CDKN2B-AS1: variants seen among roughly 807,000 people sequenced by gnomAD.
The protein encoded by CDKN2B-AS1 is CDKN2B antisense RNA 1 (non-protein coding).
intron 4 of CDKN2B-AS1, among the ~76,000 whole-genome samples, chr9:22,066,691 A>G (rs1008825242): frequency 6.6e-6 from 1 of 152,084 alleles, no homozygotes; most frequent in Non-Finnish European, 1.5e-5. Context: ...AGTTTTAAAA[A>G]GAACATTCGT....
At chr9:22,064,246 A>G (rs117778899) in intron 4 of CDKN2B-AS1, among the ~76,000 whole-genome samples, 98 of 152,308 alleles carry the variant, frequency 6.4e-4, no homozygotes, top group Admixed American at 2.1e-3. Context: ...ACATAGAAGT[A>G]TACACACTGG....
chr9:22,055,530 T>C (rs750548528), intron 3 of CDKN2B-AS1, among the ~76,000 whole-genome samples: 2 of 152,232 alleles, frequency 1.3e-5, no homozygotes, highest in African/African-American at 2.4e-5. Flanking sequence ...TTTGCCAGCA[T>C]TCTTCTGTAG....
chr9:22,050,722 C>T (rs900092047), intron 3 of CDKN2B-AS1, among the ~76,000 whole-genome samples: 26 of 152,160 alleles, frequency 1.7e-4, no homozygotes, highest in African/African-American at 5.8e-4. Flanking sequence ...CCACCTCAGG[C>T]TTTTGGCACC....
chr9:22,099,170 T>A (rs1825394365), intron 4 of CDKN2B-AS1, among the ~76,000 whole-genome samples: 1 of 152,058 alleles, frequency 6.6e-6, no homozygotes. Context: ...GGGAACAACA[T>A]GTACAAAAGC....
rs34297943 is a variant in CDKN2B-AS1 at position 21,997,480 on chromosome 9, G to GGAGAGA, written n.29+2338_29+2343dup. On this transcript the variant is annotated intron_variant and non_coding_transcript_variant, in intron 1 of 4. Transcript: ENST00000650946. The surrounding 1 kb of genome is among the most constrained non-coding windows in gnomAD (Gnocchi z 4.8). ...ATGTGGGGGAGAGAAAGAGAGGGAG[G>GGAGAGA]GAGAGAGAGAGAGAGAGAGAGAGAA... is the stretch of plus-strand genomic sequence containing the variant. Among the ~76,000 whole-genome samples, 6 of 146,122 alleles carry GGAGAGA rather than the reference G, an allele frequency of 4.1e-5. No individual in the cohort carries two copies. Among genetic ancestry groups the GGAGAGA allele is most frequent in the South Asian group, 2.2e-4 (1 of 4,592 alleles).
At chr9:22,061,552 C>A (rs1823819649) in intron 4 of CDKN2B-AS1, among the ~76,000 whole-genome samples, 1 of 151,980 alleles carries the variant, frequency 6.6e-6, no homozygotes. Context: ...CAAAATCAAG[C>A]CTGTTAGATA....
At chr9:22,071,809 T>C (rs568362412) in intron 4 of CDKN2B-AS1, among the ~76,000 whole-genome samples, 5 of 152,226 alleles carry the variant, frequency 3.3e-5, no homozygotes, top group African/African-American at 1.2e-4. Flanking sequence ...AGCTAGGTGA[T>C]GTAAAAGTGA....
chr9:22,016,743 A>G (rs1821781364), intron 1 of CDKN2B-AS1, among the ~76,000 whole-genome samples: 2 of 152,226 alleles, frequency 1.3e-5, no homozygotes, highest in Non-Finnish European at 2.9e-5. Context: ...CTGGCTAGCC[A>G]TATGTAGAAA....
At chr9:22,122,030 C>G (rs1313892975) in intron 4 of CDKN2B-AS1, among the ~76,000 whole-genome samples, 2 of 150,668 alleles carry the variant, frequency 1.3e-5, no homozygotes, top group Admixed American at 1.3e-4. Flanking sequence ...TAAGAATTCC[C>G]TTTTCTCCAA....
intron 1 of CDKN2B-AS1, chr9:22,008,533 C>G (rs1821306814): frequency 2.4e-6 from 2 of 821,746 alleles, no homozygotes; most frequent in South Asian, 1.9e-5. Context: ...CCTTTTCTCC[C>G]CAATTCAGTC....
At chr9:22,012,066 A>G (rs1255921568) in intron 1 of CDKN2B-AS1, 2 of 605,082 alleles carry the variant, frequency 3.3e-6, no homozygotes, top group Non-Finnish European at 5.9e-6. Flanking sequence ...AGTTGGTGAA[A>G]TTGTCTGTAT....
At chr9:22,043,606 T>A (rs1822989311) in intron 1 of CDKN2B-AS1, among the ~76,000 whole-genome samples, 1 of 151,946 alleles carries the variant, frequency 6.6e-6, no homozygotes, top group Non-Finnish European at 1.5e-5. Flanking sequence ...GTGAAAGCAG[T>A]TGTTTACGCT....
rs746984960 is a variant in CDKN2B-AS1 at position 22,006,131 on chromosome 9, G to T, written n.29+10970G>T. On this transcript the variant is annotated intron_variant and non_coding_transcript_variant, in intron 1 of 4. Transcript: ENST00000650946. The surrounding 1 kb of genome is among the most constrained non-coding windows in gnomAD (Gnocchi z 6.4). ...GCAGCACCACCAGCGTGTCCAGGAAGCCCTCCCGGGCAGCATCATGCACCG... is the reference window on the plus strand; with the variant it reads ...GCAGCACCACCAGCGTGTCCAGGAATCCCTCCCGGGCAGCATCATGCACCG... The T allele has an allele frequency of 1.2e-6, 2 of 1,611,320 alleles. No homozygotes were observed. Among genetic ancestry groups the T allele is most frequent in the Non-Finnish European group, 1.7e-6 (2 of 1,179,850 alleles).
intron 4 of CDKN2B-AS1, among the ~76,000 whole-genome samples, chr9:22,108,716 A>C (rs186281500): frequency 6.6e-6 from 1 of 152,342 alleles, no homozygotes; most frequent in East Asian, 1.9e-4. Context: ...GATTATATTT[A>C]ATTGTCCATT....
intron 4 of CDKN2B-AS1, chr9:22,119,138 G>C (rs1024163829): frequency 6.6e-6 from 1 of 151,802 alleles, no homozygotes; most frequent in Non-Finnish European, 1.5e-5. Context: ...TGTAATAACT[G>C]TGCCTGTCTT....
intron 1 of CDKN2B-AS1, among the ~76,000 whole-genome samples, chr9:22,035,974 G>C (rs1822670461): frequency 6.6e-6 from 1 of 152,080 alleles, no homozygotes; most frequent in African/African-American, 2.4e-5. Context: ...ACAGATGTAA[G>C]GGCTACAGTT....
rs1307555126 is a variant in CDKN2B-AS1, at chr9:22,006,166, G to A, written n.29+11005G>A. 3 of 1,610,778 alleles carry A rather than the reference G, an allele frequency of 1.9e-6. No individual in the cohort carries two copies. The South Asian group carries it at 3.3e-5, about 18-fold the overall frequency. On this transcript the variant is annotated intron_variant and non_coding_transcript_variant, in intron 1 of 4. Coordinates refer to ENST00000650946, the Ensembl canonical transcript of CDKN2B-AS1. This position sits in a 1 kb window ranked among gnomAD's most constrained non-coding sequence, Gnocchi z 6.4. ...GCAGCATCATGCACCGGTCGGGTGA[G>A]AGTGGCAGGGTCTGCGCAGTTGGGC...
At chr9:22,069,331 A>G (rs1441880995) in intron 4 of CDKN2B-AS1, among the ~76,000 whole-genome samples, 6 of 117,976 alleles carry the variant, frequency 5.1e-5, no homozygotes, top group Admixed American at 2.9e-4. Context: ...AAATTCACAA[A>G]GTACATAGAA....
chr9:22,019,199 T>C (rs1821916660), intron 1 of CDKN2B-AS1, among the ~76,000 whole-genome samples: 1 of 152,246 alleles, frequency 6.6e-6, no homozygotes, highest in African/African-American at 2.4e-5. Context: ...TTAGGACTTT[T>C]GTCTTTATCT....
Sources: allele counts gnomAD v4.1 joint callset (sites outside exome capture counted in the v4.1 genomes callset), GRCh38; gene constraint gnomAD v4.1.1; non-coding constraint Gnocchi (gnomAD v3.1); transcripts MANE v1.5; gene names NCBI Gene and HGNC (gene_info 2026-07-23, HGNC 2026-07-21).